The following COL4A2 variants were observed in gnomAD, a reference collection of about 807,000 sequenced individuals.
The protein encoded by COL4A2 is collagen type IV alpha 2 chain, also known as collagen alpha-2(IV) chain.
COL4A2 carries 99 observed loss-of-function variants against 200.2 expected under a neutral mutation model. The ratio of observed to expected loss-of-function variants is 0.49; its 90% confidence interval spans 0.42 to 0.58. The LOEUF is 0.58. COL4A2 is among the 20% of genes least tolerant of loss of function. The pLI is 0.00. For synonymous variants in COL4A2, 897 were observed against 900.6 expected (o/e 1.00, Z 0.07); for missense variants, 1,950 against 2,314.1 (o/e 0.84, Z 3.23).
intron 11 of COL4A2, among the ~76,000 whole-genome samples, chr13:110,432,970 C>G (rs1880737521): frequency 6.6e-6 from 1 of 152,224 alleles, no homozygotes; most frequent in South Asian, 2.1e-4. Context: ...GATAAATGTC[C>G]AAGACAAACG....
intron 4 of COL4A2, among the ~76,000 whole-genome samples, chr13:110,362,743 G>T (rs545190026): frequency 6.6e-6 from 1 of 152,200 alleles, no homozygotes; most frequent in Non-Finnish European, 1.5e-5. Context: ...TCAGCACCAC[G>T]CAATGTAAAG....
chr13:110,459,641 G>A (rs1244247893), intron 22 of COL4A2: 2 of 152,150 alleles, frequency 1.3e-5, no homozygotes, highest in Admixed American at 6.5e-5. Context: ...AAGATGTTCT[G>A]AAATTAGATA....
intron 27 of COL4A2, 99 bp from the exon 28 acceptor site, chr13:110,469,118 C>G: frequency 7.4e-7 from 1 of 1,353,744 alleles, no homozygotes; most frequent in Non-Finnish European, 1.0e-6. Flanking sequence ...CATCATTTCC[C>G]GGTTTCATGA....
chr13:110,429,417 T>C (rs1309006665), intron 7 of COL4A2: 2 of 154,214 alleles, frequency 1.3e-5, no homozygotes, highest in Non-Finnish European at 2.9e-5. Context: ...TGAAAGATAT[T>C]TACACATGCA....
chr13:110,474,760 A>T (rs1434608792), intron 29 of COL4A2, among the ~76,000 whole-genome samples: 1 of 54,056 alleles, frequency 1.8e-5, no homozygotes, highest in Non-Finnish European at 4.1e-5. Context: ...ACACTCACAC[A>T]TCACACACGC....
At chr13:110,443,387 C>G (rs867188423) in intron 16 of COL4A2, among the ~76,000 whole-genome samples, 7 of 152,302 alleles carry the variant, frequency 4.6e-5, no homozygotes, top group Middle Eastern at 3.4e-3. Flanking sequence ...CCTAAAAAAG[C>G]CTAGCCATAC....
intron 15 of COL4A2, among the ~76,000 whole-genome samples, chr13:110,438,883 C>T (rs1188391382): frequency 1.3e-5 from 2 of 150,928 alleles, no homozygotes; most frequent in Non-Finnish European, 2.9e-5. Flanking sequence ...ATCCGTGAAC[C>T]ATCTTGACAC....
chr13:110,406,829 A>C (rs148804002), intron 4 of COL4A2, among the ~76,000 whole-genome samples: 225 of 152,344 alleles, frequency 1.5e-3, no homozygotes, highest in Non-Finnish European at 2.2e-3. Context: ...CCTTGGCAGC[A>C]GTCCTCATTC....
At position 110,485,772 on chromosome 13, in the gene COL4A2, C is replaced by A. The variant is rs767119766; in HGVS notation, c.3143C>A (p.Pro1048Gln). Residue 1048 changes from proline to glutamine, a missense_variant, in exon 34 of 48, where the codon CCA (proline) becomes CAA (glutamine). Physicochemically the swap from Pro to Gln is moderately conservative, Grantham distance 76. This residue lies in a region of COL4A2 where 1,385 missense variants were observed against 1,720.5 expected (regional missense o/e 0.80). Coordinates refer to ENST00000360467, the MANE Select transcript of COL4A2 (RefSeq NM_001846.4). ...DIGVPGIPGLPGFPGVAGPPG... is the reference protein window; with the variant it reads ...DIGVPGIPGLQGFPGVAGPPG... ...GGAGTCCCCGGCATCCCCGGTTTGCCAGGATTCCCTGGGGTGGCTGGCCCC... is the reference window on the plus strand; with the variant it reads ...GGAGTCCCCGGCATCCCCGGTTTGCAAGGATTCCCTGGGGTGGCTGGCCCC... The A allele has an allele frequency of 3.7e-6, 6 of 1,613,934 alleles. No homozygotes were observed. The highest frequency in any genetic ancestry group is 5.1e-6 in the Non-Finnish European group (6 of 1,179,954).
intron 4 of COL4A2, among the ~76,000 whole-genome samples, chr13:110,389,392 G>C (rs554003774): frequency 9.8e-5 from 15 of 152,350 alleles, no homozygotes; most frequent in African/African-American, 3.6e-4. Flanking sequence ...GTGCATGTGT[G>C]TATCTGTAGA....
chr13:110,345,426 G>A (rs553301981), intron 3 of COL4A2, among the ~76,000 whole-genome samples: 1 of 152,296 alleles, frequency 6.6e-6, no homozygotes, highest in Admixed American at 6.5e-5. Context: ...GAGAAGCGAA[G>A]CCTGCTGTTC....
intron 28 of COL4A2, among the ~76,000 whole-genome samples, chr13:110,471,317 C>T (rs1293625009): frequency 6.6e-6 from 1 of 152,162 alleles, no homozygotes; most frequent in Non-Finnish European, 1.5e-5. Flanking sequence ...GAGCCTGTTC[C>T]ACCATCAAAT....
chr13:110,384,807 C>G lies in COL4A2; in HGVS notation c.180+27255C>G, dbSNP rs771593787. Among the ~76,000 whole-genome samples the G allele has an allele frequency of 6.0e-4, 92 of 152,192 alleles. 1 individual carries two copies. The highest frequency in any genetic ancestry group is 1.0e-3 in the Non-Finnish European group (70 of 68,040). On this transcript the variant is annotated intron_variant, in intron 4 of 47. Transcript: ENST00000360467. The stretch of plus-strand genomic sequence containing the variant: ...CGAGCTTCTGGAGGATGCTCCTTCC[C>G]TGGCATAGAGCAGACATGTAGCAGC...
intron 3 of COL4A2, among the ~76,000 whole-genome samples, chr13:110,333,019 C>T (rs2139363551): frequency 6.6e-6 from 1 of 152,306 alleles, no homozygotes; most frequent in South Asian, 2.1e-4. Flanking sequence ...GCCAGGCTTG[C>T]TTCTGGAGAG....
chr13:110,488,403 C>T (rs1295272192), intron 34 of COL4A2, among the ~76,000 whole-genome samples: 1 of 152,178 alleles, frequency 6.6e-6, no homozygotes, highest in Non-Finnish European at 1.5e-5. Context: ...CCCAGTGGCA[C>T]CCAGGTAGAC....
intron 38 of COL4A2, 84 bp downstream of exon 38, chr13:110,492,261 C>T (rs1237889436): frequency 6.5e-6 from 8 of 1,226,286 alleles, no homozygotes; most frequent in African/African-American, 1.5e-5. Flanking sequence ...CAGCCTCTCT[C>T]AGGGCGACTT....
intron 4 of COL4A2, among the ~76,000 whole-genome samples, chr13:110,421,654 C>A (rs1180772565): frequency 3.3e-5 from 5 of 152,268 alleles, no homozygotes; most frequent in Admixed American, 2.6e-4. Context: ...GGTGGTCACA[C>A]AACATGGTGA....
chr13:110,455,636 G>A (rs1881702119), intron 20 of COL4A2, among the ~76,000 whole-genome samples: 1 of 152,178 alleles, frequency 6.6e-6, no homozygotes, highest in Admixed American at 6.5e-5. Flanking sequence ...ACACAGCCTG[G>A]CACAGCATAG....
chr13:110,477,976 CA>C lies in COL4A2; in HGVS notation c.2426-26del, dbSNP rs758011066. ...TGATGAACAGTCCAGAGTTGGCCCC[CA>C]CAGCTCTTGTCTCTGATTCCTGCAG... is the stretch of plus-strand genomic sequence containing the variant. On this transcript the variant is annotated intron_variant, in intron 29 of 47. Coordinates refer to ENST00000360467, the MANE Select transcript of COL4A2 (RefSeq NM_001846.4). The C allele has an allele frequency of 2.4e-5, 37 of 1,523,792 alleles. No individual in the cohort carries two copies. In the East Asian group the frequency reaches 8.1e-4, roughly 33 times the overall value. The allele number at this position is 1,523,792 out of a possible 1,614,324, so 94.4% of individuals were successfully genotyped here.
Sources: gnomAD v4.1 joint callset for allele counts (sites outside exome capture counted in the v4.1 genomes callset) on GRCh38, gnomAD v4.1.1 for gene constraint, gnomAD v4.1.1 regional missense constraint, MANE v1.5 for transcripts, NCBI Gene and HGNC (gene_info 2026-07-23, HGNC 2026-07-21) for gene names.